IL2RA: variants seen among roughly 807,000 people sequenced by gnomAD.
The protein encoded by IL2RA is interleukin-2 receptor subunit alpha.
Under a neutral mutation model 37.8 loss-of-function variants are expected in IL2RA, and 24 were observed. The observed-to-expected ratio is 0.63, with a 90% CI of 0.46 to 0.89. The LOEUF is 0.89. IL2RA is among the 40% of genes least tolerant of loss of function. The pLI, the probability that IL2RA is intolerant of heterozygous loss-of-function variation, is 0.00. For missense variants in IL2RA, 319 were observed against 348.6 expected, an observed-to-expected ratio of 0.92 and a Z score of 0.68; for synonymous variants, 125 against 114.6, an observed-to-expected ratio of 1.09 and a Z score of -0.58.
rs111707135 is a variant in IL2RA, at chr10:6,056,907, C to T, written c.64+5181G>A. 1.1e-4 allele frequency among the ~76,000 whole-genome samples: 17 copies of T among 152,268 alleles called. No homozygotes were observed. Among genetic ancestry groups the T allele is most frequent in the East Asian group, 5.8e-4 (3 of 5,176 alleles). On this transcript the variant is annotated intron_variant, in intron 1 of 7. Coordinates refer to ENST00000379959, the MANE Select transcript of IL2RA (RefSeq NM_000417.3). The surrounding 1 kb of genome is among the most constrained non-coding windows in gnomAD (Gnocchi z 5.0). ...CAAGCAAACAAACAGCAGAGGACCC[C>T]GCCCTCCCTGTCCAGGGCAGGAGCA...
chr10:6,019,057 AACCT>A (rs1036434802), intron 6 of IL2RA, among the ~76,000 whole-genome samples: 1 of 151,744 alleles, frequency 6.6e-6, no homozygotes, highest in East Asian at 1.9e-4. Flanking sequence ...CCCACCAACC[AACCT>A]ATCAACTTAC....
rs1839340106 is a variant in IL2RA at position 6,019,367 on chromosome 10, T to TA, written c.727+60_727+61insT. 8.5e-6 allele frequency: 11 copies of TA among 1,293,324 alleles called. No homozygotes were observed. In the East Asian group the frequency reaches 2.5e-4, roughly 30 times the overall value. The allele number at this position is 1,293,324 out of a possible 1,614,324, so 80.1% of individuals were successfully genotyped here. On this transcript the variant is annotated intron_variant, in intron 6 of 7. Transcript: ENST00000379959. ...ACCAACTAACCAACCTACTAACCAGTCAACCTGTCCATATCTCAGCCTGGT... is the reference window on the plus strand; with the variant it reads ...ACCAACTAACCAACCTACTAACCAGTACAACCTGTCCATATCTCAGCCTGGT...
At chr10:6,042,806 G>A (rs1443846194) in intron 1 of IL2RA, among the ~76,000 whole-genome samples, 1 of 152,094 alleles carries the variant, frequency 6.6e-6, no homozygotes, top group Non-Finnish European at 1.5e-5. Context: ...AGATAGTAAT[G>A]AGATTTTATT....
At chr10:6,061,668 C>T (rs35338693) in intron 1 of IL2RA, among the ~76,000 whole-genome samples, 2,936 of 152,224 alleles carry the variant, frequency 0.019, 68 homozygotes, top group Non-Finnish European at 0.027. Flanking sequence ...GTACTCATGT[C>T]TCCAGCAAAT....
Position 6,022,354 on chromosome 10 carries a change from C to T in IL2RA, c.368-661G>A, listed in dbSNP as rs1839401827. The stretch of plus-strand genomic sequence containing the variant: ...AAGACGTCTCAAAATTTCCCATCCC[C>T]AGAACTTTCCACTCACCCAACTACA... On this transcript the variant is annotated intron_variant, in intron 3 of 7. Coordinates refer to ENST00000379959, the MANE Select transcript of IL2RA (RefSeq NM_000417.3). This position sits in a 1 kb window ranked among gnomAD's most constrained non-coding sequence, Gnocchi z 4.7. Among the ~76,000 whole-genome samples, 1 of 152,176 alleles carries T rather than the reference C, an allele frequency of 6.6e-6. No homozygotes were observed. Among genetic ancestry groups the T allele is most frequent in the African/African-American group, 2.4e-5 (1 of 41,446 alleles).
Position 6,019,850 on chromosome 10 carries a change from G to T in IL2RA, c.655+20C>A, listed in dbSNP as rs1368941123. The T allele has an allele frequency of 6.2e-7, 1 of 1,611,964 alleles. No individual in the cohort carries two copies. The highest frequency in any genetic ancestry group is 8.5e-7 in the Non-Finnish European group (1 of 1,177,986). The stretch of plus-strand genomic sequence containing the variant: ...TTTTGGACTAGGCCTCTGTGGTCCA[G>T]CGTTTGTCTTCTCCCGCACCTGTTG... On this transcript the variant is annotated intron_variant, in intron 5 of 7. Coordinates refer to ENST00000379959, the MANE Select transcript of IL2RA (RefSeq NM_000417.3).
rs1396213600 is a variant in IL2RA, at chr10:6,056,388, G to A, written c.64+5700C>T. Reference sequence around the variant, plus strand: ...TGAAATTTAAGAGGGCTGGATTCAAGTTCAGCTTCTATGTGAACTCTTTCA... The same window carrying A: ...TGAAATTTAAGAGGGCTGGATTCAAATTCAGCTTCTATGTGAACTCTTTCA... On this transcript the variant is annotated intron_variant, in intron 1 of 7. Coordinates refer to ENST00000379959, the MANE Select transcript of IL2RA (RefSeq NM_000417.3). This position sits in a 1 kb window ranked among gnomAD's most constrained non-coding sequence, Gnocchi z 5.0. 6.6e-6 allele frequency among the ~76,000 whole-genome samples: 1 copy of A among 152,254 alleles called. No homozygotes were observed. The highest frequency in any genetic ancestry group is 6.5e-5 in the Admixed American group (1 of 15,286).
chr10:6,031,392 C>T (rs1157019177), intron 1 of IL2RA, among the ~76,000 whole-genome samples: 1 of 143,714 alleles, frequency 7.0e-6, no homozygotes, highest in Non-Finnish European at 1.5e-5. Flanking sequence ...CATAAAATTA[C>T]TGAGGGATCT....
At chr10:6,024,058 C>T (rs1214391064) in intron 3 of IL2RA, among the ~76,000 whole-genome samples, 186 bp downstream of exon 3, 1 of 152,200 alleles carries the variant, frequency 6.6e-6, no homozygotes, top group Non-Finnish European at 1.5e-5. Context: ...GCTTTAGTTG[C>T]TGAGCAAACA....
Position 6,025,539 on chromosome 10 carries a change from C to T in IL2RA, c.256+295G>A, listed in dbSNP as rs971634058. On this transcript the variant is annotated intron_variant, in intron 2 of 7. Transcript: ENST00000379959. This position sits in a 1 kb window ranked among gnomAD's most constrained non-coding sequence, Gnocchi z 4.4. ...GGCATGGTGGAGGGTGCCTGTAATCCCAGCTACTCAGGAGGCTGAGGCAGG... is the reference window on the plus strand; with the variant it reads ...GGCATGGTGGAGGGTGCCTGTAATCTCAGCTACTCAGGAGGCTGAGGCAGG... Among the ~76,000 whole-genome samples the T allele has an allele frequency of 1.3e-5, 2 of 152,082 alleles. No homozygotes were observed. The highest frequency in any genetic ancestry group is 4.8e-5 in the African/African-American group (2 of 41,494).
chr10:6,016,046 C>T (rs1839271126), intron 7 of IL2RA, among the ~76,000 whole-genome samples: 1 of 152,204 alleles, frequency 6.6e-6, no homozygotes, highest in African/African-American at 2.4e-5. Flanking sequence ...ATACCACTTA[C>T]TGTGGTTTGA....
intron 1 of IL2RA, among the ~76,000 whole-genome samples, chr10:6,052,415 T>C (rs1839979896): frequency 6.6e-6 from 1 of 152,216 alleles, no homozygotes; most frequent in Admixed American, 6.5e-5. Context: ...TTCATCTCTG[T>C]GTCTCAAACC....
rs1839522265 is a variant in IL2RA at position 6,028,691 on chromosome 10, G to C, written c.65-2666C>G. Among the ~76,000 whole-genome samples the C allele has an allele frequency of 6.6e-6, 1 of 152,132 alleles. No individual in the cohort carries two copies. The highest frequency in any genetic ancestry group is 6.5e-5 in the Admixed American group (1 of 15,268). On this transcript the variant is annotated intron_variant, in intron 1 of 7. Transcript: ENST00000379959. The surrounding 1 kb of genome is among the most constrained non-coding windows in gnomAD (Gnocchi z 4.1). ...TGACATACTTGACCTACTCAAAAAAGTGCTCAATAGAAACAGACCCGTAAA... is the reference window on the plus strand; with the variant it reads ...TGACATACTTGACCTACTCAAAAAACTGCTCAATAGAAACAGACCCGTAAA...
intron 1 of IL2RA, among the ~76,000 whole-genome samples, chr10:6,031,200 C>G (rs190040329): frequency 6.6e-6 from 1 of 151,262 alleles, no homozygotes; most frequent in Non-Finnish European, 1.5e-5. Flanking sequence ...CAGCAGGGCC[C>G]AACTATATGC....
chr10:6,043,293 A>C (rs779506513), intron 1 of IL2RA, among the ~76,000 whole-genome samples: 1 of 152,260 alleles, frequency 6.6e-6, no homozygotes, highest in Non-Finnish European at 1.5e-5. Context: ...TGTATAAAAT[A>C]AAAAACAAAC....
chr10:6,032,993 A>T (rs1469398624), intron 1 of IL2RA, among the ~76,000 whole-genome samples: 1 of 152,244 alleles, frequency 6.6e-6, no homozygotes, highest in Admixed American at 6.5e-5. Context: ...AAAGACTGAT[A>T]CGTCAAATAC....
rs183756238 is a variant in IL2RA, at chr10:6,048,451, G to A, written c.64+13637C>T. Among the ~76,000 whole-genome samples, 37 of 152,352 alleles carry A rather than the reference G, an allele frequency of 2.4e-4. No individual in the cohort carries two copies. The highest frequency in any genetic ancestry group is 4.1e-4 in the Non-Finnish European group (28 of 68,030). On this transcript the variant is annotated intron_variant, in intron 1 of 7. Coordinates refer to ENST00000379959, the MANE Select transcript of IL2RA (RefSeq NM_000417.3). The surrounding 1 kb of genome is among the most constrained non-coding windows in gnomAD (Gnocchi z 5.3). ...GCCTGTGAGGCATCCACACGGAAAG[G>A]TCCGAGGGAAGGGCCTTTGGCCATG... is the stretch of plus-strand genomic sequence containing the variant.
At position 6,046,346 on chromosome 10, in the gene IL2RA, G is replaced by A. The variant is rs1310132735; in HGVS notation, c.64+15742C>T. 2.6e-5 allele frequency among the ~76,000 whole-genome samples: 4 copies of A among 152,296 alleles called. No homozygotes were observed. The highest frequency in any genetic ancestry group is 6.5e-5 in the Admixed American group (1 of 15,302). On this transcript the variant is annotated intron_variant, in intron 1 of 7. Transcript: ENST00000379959. This position sits in a 1 kb window ranked among gnomAD's most constrained non-coding sequence, Gnocchi z 4.8. ...CTACCATGATCTGCTAGTCTACTGT[G>A]ATTTTGCTTAAGAAGGGTTCAGTAG...
rs1839536058 is a variant in IL2RA at position 6,029,174 on chromosome 10, TTA to T, written c.65-3151_65-3150del. 8.3e-6 allele frequency among the ~76,000 whole-genome samples: 1 copy of T among 121,082 alleles called. No individual in the cohort carries two copies. The highest frequency in any genetic ancestry group is 3.1e-5 in the African/African-American group (1 of 31,764). The allele number at this position is 121,082 out of a possible 152,430, so 79.4% of individuals were successfully genotyped here. A position where few individuals can be genotyped will look rare whatever the true frequency, so the allele number is the denominator to read the frequency against. On this transcript the variant is annotated intron_variant, in intron 1 of 7. Coordinates refer to ENST00000379959, the MANE Select transcript of IL2RA (RefSeq NM_000417.3). The surrounding 1 kb of genome is among the most constrained non-coding windows in gnomAD (Gnocchi z 4.6). Reference sequence around the variant, plus strand: ...TTTATTTATTTATTTATTTATTTATTTATTTTTGAGACAGAGTTTCGCTCTTG... The same window carrying T: ...TTTATTTATTTATTTATTTATTTATTTTTTTGAGACAGAGTTTCGCTCTTG...
Sources: gnomAD v4.1 joint callset for allele counts (sites outside exome capture counted in the v4.1 genomes callset) on GRCh38, gnomAD v4.1.1 for gene constraint, Gnocchi (gnomAD v3.1) non-coding constraint, MANE v1.5 for transcripts, NCBI Gene and HGNC (gene_info 2026-07-23, HGNC 2026-07-21) for gene names.